Variants in UBE3D observed in about 807,000 individuals in gnomAD.
UBE3D encodes ubiquitin protein ligase E3D.
In UBE3D, 48 loss-of-function variants were observed where a neutral mutation model predicts 49.6. That is an observed-to-expected ratio of 0.97 (90% CI 0.77 to 1.23). The LOEUF is 1.23. Among genes scored for constraint, UBE3D ranks in the 50% most tolerant of loss-of-function variants. The pLI is 0.00. For missense variants in UBE3D, 452 were observed against 468.4 expected, an observed-to-expected ratio of 0.96 and a Z score of 0.32; for synonymous variants, 189 against 174.2, an observed-to-expected ratio of 1.08 and a Z score of -0.67.
the UBE3D span, among the ~76,000 whole-genome samples, chr6:82,881,064 G>C: frequency 1.3e-5 from 2 of 152,132 alleles, no homozygotes; most frequent in African/African-American, 2.4e-5. Context: ...ATCTCATTGA[G>C]GGTTCAGATT....
In UBE3D at chr6:83,044,724, T is replaced by G. The variant is rs759087057; in HGVS notation, c.366-65A>C. 1.7e-5 allele frequency: 23 copies of G among 1,318,906 alleles called. No individual in the cohort carries two copies. In the South Asian group the frequency reaches 2.7e-4, roughly 16 times the overall value. 81.7% of individuals were successfully genotyped at this position (1,318,906 alleles called of 1,614,324 possible). Reference sequence around the variant, plus strand: ...TGATACTAACATTTTCTTAATTAAATGACCATAAAAGATGAAAGAAACTCA... The same window carrying G: ...TGATACTAACATTTTCTTAATTAAAGGACCATAAAAGATGAAAGAAACTCA... On this transcript the variant is annotated intron_variant, in intron 3 of 9. Transcript: ENST00000369747.
intron 9 of UBE3D, among the ~76,000 whole-genome samples, chr6:82,944,656 G>T (rs1775271602): frequency 6.6e-6 from 1 of 152,208 alleles, no homozygotes; most frequent in African/African-American, 2.4e-5. Context: ...CACAAAGCAG[G>T]TTCTTTGGTC....
chr6:82,971,071 A>AC (rs1450435846), intron 8 of UBE3D, among the ~76,000 whole-genome samples: 1 of 152,000 alleles, frequency 6.6e-6, no homozygotes, highest in African/African-American at 2.4e-5. Context: ...AGATTTATGG[A>AC]CCCCTGAGTA....
In UBE3D at chr6:83,054,253, T is replaced by A; in HGVS notation, c.275-15A>T. 1 of 1,591,576 alleles carries A rather than the reference T, an allele frequency of 6.3e-7. No individual in the cohort carries two copies. The highest frequency in any genetic ancestry group is 8.6e-7 in the Non-Finnish European group (1 of 1,159,702). On this transcript the variant is annotated splice_polypyrimidine_tract_variant and intron_variant, in intron 2 of 9. Transcript: ENST00000369747. ...TGAAATCAGTTCTAAAGGAAGTCAA[T>A]GAAATAGCTAATCTTAGAGATTGAA...
chr6:82,894,955 T>G (rs1012059584), intron 9 of UBE3D, among the ~76,000 whole-genome samples: 1 of 152,200 alleles, frequency 6.6e-6, no homozygotes, highest in Non-Finnish European at 1.5e-5. Context: ...TGCTATGTCA[T>G]GGCATATTCC....
chr6:82,953,120 A>C (rs1452377530), intron 9 of UBE3D, among the ~76,000 whole-genome samples: 1 of 152,214 alleles, frequency 6.6e-6, no homozygotes, highest in Non-Finnish European at 1.5e-5. Flanking sequence ...CAGAGTTCTG[A>C]AGCACACAGA....
chr6:83,063,937 T>C (rs889500047), intron 1 of UBE3D, among the ~76,000 whole-genome samples: 2 of 152,166 alleles, frequency 1.3e-5, no homozygotes, highest in Non-Finnish European at 2.9e-5. Flanking sequence ...TATACAACAG[T>C]GTTATGACAG....
At chr6:82,934,406 G>A (rs1321090626) in intron 9 of UBE3D, among the ~76,000 whole-genome samples, 1 of 152,068 alleles carries the variant, frequency 6.6e-6, no homozygotes, top group African/African-American at 2.4e-5. Context: ...TTAACAGAGG[G>A]GCTGGACTTA....
At chr6:82,882,595 A>T in the UBE3D span, among the ~76,000 whole-genome samples, 1 of 152,182 alleles carries the variant, frequency 6.6e-6, no homozygotes, top group African/African-American at 2.4e-5. Context: ...ACTGGAAAAG[A>T]CATTGTTCTC....
intron 8 of UBE3D, among the ~76,000 whole-genome samples, chr6:83,012,532 GAA>G (rs1780414230): frequency 6.6e-6 from 1 of 152,188 alleles, no homozygotes; most frequent in South Asian, 2.1e-4. Context: ...GGTGGCTGGG[GAA>G]AGAGGCTGAG....
chr6:83,003,279 T>A (rs1779754992), intron 8 of UBE3D, among the ~76,000 whole-genome samples: 1 of 152,106 alleles, frequency 6.6e-6, no homozygotes, highest in Non-Finnish European at 1.5e-5. Context: ...TTCTCACAGA[T>A]CATGATTATA....
intron 9 of UBE3D, among the ~76,000 whole-genome samples, chr6:82,927,720 C>T (rs1773860322): frequency 6.7e-6 from 1 of 149,386 alleles, no homozygotes; most frequent in African/African-American, 2.5e-5. Context: ...TTGTATCCTA[C>T]AATCTTGTTA....
At chr6:83,023,135 A>G (rs1157845665) in intron 6 of UBE3D, among the ~76,000 whole-genome samples, 2 of 152,206 alleles carry the variant, frequency 1.3e-5, no homozygotes, top group African/African-American at 4.8e-5. Flanking sequence ...AAAGAAATAA[A>G]AACACTAATA....
chr6:82,892,279 T>C (rs1328391221), downstream of UBE3D: 1 of 152,256 alleles, frequency 6.6e-6, no homozygotes. Context: ...AAACGTTCCT[T>C]GTGAAATTAG....
intron 9 of UBE3D, among the ~76,000 whole-genome samples, chr6:82,907,316 G>A (rs192055619): frequency 6.6e-6 from 1 of 152,286 alleles, no homozygotes; most frequent in Non-Finnish European, 1.5e-5. Context: ...TAATTAGGAG[G>A]AGTATTTCTA....
intron 9 of UBE3D, among the ~76,000 whole-genome samples, chr6:82,930,912 T>C (rs1774094604): frequency 6.6e-6 from 1 of 151,914 alleles, no homozygotes; most frequent in South Asian, 2.1e-4. Flanking sequence ...ACCAAGACAA[T>C]GGGGAAAATT....
chr6:83,054,632 T>C (rs1002584041), intron 2 of UBE3D, among the ~76,000 whole-genome samples: 1 of 152,082 alleles, frequency 6.6e-6, no homozygotes, highest in Non-Finnish European at 1.5e-5. Flanking sequence ...TGTGAACAAA[T>C]AGAGCTCTTA....
At chr6:82,943,902 G>A (rs1032531010) in intron 9 of UBE3D, among the ~76,000 whole-genome samples, 2 of 152,022 alleles carry the variant, frequency 1.3e-5, no homozygotes, top group African/African-American at 2.4e-5. Context: ...GAACTCAGCC[G>A]ATGCCCACAC....
chr6:83,026,268 G>C (rs144390575), intron 5 of UBE3D, among the ~76,000 whole-genome samples: 30 of 152,070 alleles, frequency 2.0e-4, no homozygotes, highest in African/African-American at 7.0e-4. Flanking sequence ...ACAACAAAGT[G>C]ACAGCCTGTC....
Sources: gnomAD v4.1 joint callset for allele counts (sites outside exome capture counted in the v4.1 genomes callset) on GRCh38, gnomAD v4.1.1 for gene constraint, MANE v1.5 for transcripts, NCBI Gene and HGNC (gene_info 2026-07-23, HGNC 2026-07-21) for gene names.